ANO3: variants seen among roughly 807,000 people sequenced by gnomAD.
ANO3 encodes anoctamin-3.
Under a neutral mutation model 144.8 loss-of-function variants are expected in ANO3, and 99 were observed. The ratio of observed to expected loss-of-function variants is 0.68; its 90% CI spans 0.58 to 0.81. The LOEUF is 0.81. Ranked by LOEUF, ANO3 falls within the 30% of genes least tolerant of loss-of-function variation. The pLI is 0.00. For missense variants in ANO3, 905 were observed against 1,202.2 expected (o/e 0.75, Z 3.66); for synonymous variants, 414 against 392.6 (o/e 1.05, Z -0.64).
At chr11:26,319,584 T>A (rs886547660) in intron 1 of ANO3, among the ~76,000 whole-genome samples, 1 of 152,174 alleles carries the variant, frequency 6.6e-6, no homozygotes, top group Non-Finnish European at 1.5e-5. Context: ...AGGAGATGGA[T>A]TATTGGTTAA....
At chr11:26,424,219 T>C (rs1857847363) in intron 1 of ANO3, among the ~76,000 whole-genome samples, 1 of 122,528 alleles carries the variant, frequency 8.2e-6, no homozygotes, top group Non-Finnish European at 1.7e-5. Context: ...ATGGCTTTTA[T>C]ACATGTTATT....
intron 13 of ANO3, among the ~76,000 whole-genome samples, chr11:26,557,184 A>G (rs1031424111): frequency 6.6e-6 from 1 of 152,056 alleles, no homozygotes; most frequent in African/African-American, 2.4e-5. Context: ...TGAACAAGCC[A>G]GGCGCGGTGG....
chr11:26,487,400 T>A (rs374413972), intron 4 of ANO3, among the ~76,000 whole-genome samples: 1 of 152,200 alleles, frequency 6.6e-6, no homozygotes, highest in South Asian at 2.1e-4. Context: ...CAATTAAACC[T>A]CTTTTTGTTC....
chr11:26,214,442 C>T (rs1851997630), intron 1 of ANO3, among the ~76,000 whole-genome samples: 2 of 151,860 alleles, frequency 1.3e-5, no homozygotes, highest in African/African-American at 2.4e-5. Flanking sequence ...TAACAACAAT[C>T]GCAATATAGA....
At chr11:26,568,673 AGTT>A (rs1369841577) in intron 14 of ANO3, among the ~76,000 whole-genome samples, 6 of 152,072 alleles carry the variant, frequency 3.9e-5, no homozygotes, top group Non-Finnish European at 8.8e-5. Context: ...TTTACCATGA[AGTT>A]TACAGATTAG....
At chr11:26,412,427 G>A (rs1253839767) in intron 1 of ANO3, among the ~76,000 whole-genome samples, 3 of 152,018 alleles carry the variant, frequency 2.0e-5, no homozygotes, top group African/African-American at 7.2e-5. Context: ...AATGAGACCT[G>A]AGTAATATTT....
At chr11:26,457,875 T>C (rs1352450445) in intron 3 of ANO3, among the ~76,000 whole-genome samples, 2 of 152,144 alleles carry the variant, frequency 1.3e-5, no homozygotes, top group Admixed American at 6.5e-5. Flanking sequence ...TACCACCTGT[T>C]CCAGAAAGCT....
intron 1 of ANO3, among the ~76,000 whole-genome samples, chr11:26,226,091 G>A (rs1401982435): frequency 6.6e-6 from 1 of 151,912 alleles, no homozygotes; most frequent in Admixed American, 6.6e-5. Context: ...TCCATATTCA[G>A]TCTTCTTAAA....
At chr11:26,316,903 C>G (rs1331995358) in intron 1 of ANO3, among the ~76,000 whole-genome samples, 1 of 152,182 alleles carries the variant, frequency 6.6e-6, no homozygotes, top group Non-Finnish European at 1.5e-5. Context: ...TGTCTTTACA[C>G]AATCCTACAT....
At chr11:26,558,457 G>A (rs1850155054) in intron 13 of ANO3, among the ~76,000 whole-genome samples, 1 of 151,946 alleles carries the variant, frequency 6.6e-6, no homozygotes, top group Non-Finnish European at 1.5e-5. Context: ...TCCCTGCTGG[G>A]TATAATTTTA....
chr11:26,374,293 C>T (rs143685525), intron 1 of ANO3, among the ~76,000 whole-genome samples: 1 of 152,142 alleles, frequency 6.6e-6, no homozygotes, highest in African/African-American at 2.4e-5. Context: ...TGTTTAGCAG[C>T]TGAAACGTAA....
chr11:26,437,704 G>A (rs115638573), intron 1 of ANO3, among the ~76,000 whole-genome samples: 2,431 of 152,236 alleles, frequency 0.016, 58 homozygotes, highest in African/African-American at 0.055. Flanking sequence ...CACCCCTTTA[G>A]TAGTCTGCAG....
chr11:26,391,885 A>G (rs890314944), intron 1 of ANO3, among the ~76,000 whole-genome samples: 1 of 152,102 alleles, frequency 6.6e-6, no homozygotes, highest in Admixed American at 6.6e-5. Flanking sequence ...AAATATTTCC[A>G]TTTTATTCCA....
intron 13 of ANO3, among the ~76,000 whole-genome samples, chr11:26,556,420 C>T (rs1850083387): frequency 6.7e-6 from 1 of 148,510 alleles, no homozygotes; most frequent in African/African-American, 2.5e-5. Flanking sequence ...TTTGAGGTTA[C>T]AACAGAAGTA....
chr11:26,593,524 T>C (rs1851514622), intron 14 of ANO3, among the ~76,000 whole-genome samples: 1 of 152,102 alleles, frequency 6.6e-6, no homozygotes, highest in African/African-American at 2.4e-5. Flanking sequence ...TGGCCCTCAA[T>C]GGTCAAGCAT....
chr11:26,343,807 G>T (rs1230104061), intron 1 of ANO3, among the ~76,000 whole-genome samples: 1 of 152,066 alleles, frequency 6.6e-6, no homozygotes, highest in Non-Finnish European at 1.5e-5. Context: ...TATAAATTGG[G>T]ACTGATAAGG....
intron 1 of ANO3, among the ~76,000 whole-genome samples, chr11:26,407,062 G>GTATATATATA (rs1293215860): frequency 7.8e-5 from 5 of 64,132 alleles, no homozygotes; most frequent in Non-Finnish European, 1.2e-4. Context: ...GTGTGTGTGT[G>GTATATATATA]TGTGTGTGTG....
intron 3 of ANO3, among the ~76,000 whole-genome samples, chr11:26,448,172 G>T (rs1858774812): frequency 6.6e-6 from 1 of 152,062 alleles, no homozygotes; most frequent in Non-Finnish European, 1.5e-5. Flanking sequence ...GGTGGCACAT[G>T]CCTGTAATCC....
At chr11:26,565,069 G>GT (rs2134266143) in intron 14 of ANO3, 1 of 1,246,480 alleles carries the variant, frequency 8.0e-7, no homozygotes, top group Non-Finnish European at 1.1e-6. Flanking sequence ...GTTCTCTTCT[G>GT]TTTTTCCAGC....
Sources: gnomAD v4.1 joint callset for allele counts (sites outside exome capture counted in the v4.1 genomes callset) on GRCh38, gnomAD v4.1.1 for gene constraint, MANE v1.5 for transcripts, NCBI Gene and HGNC (gene_info 2026-07-23, HGNC 2026-07-21) for gene names.